PPP4R3B: variants seen among roughly 807,000 people sequenced by gnomAD.
PPP4R3B encodes the protein protein phosphatase 4 regulatory subunit 3B.
In PPP4R3B, 52 loss-of-function variants were observed where a neutral mutation model predicts 95.4. The ratio of observed to expected loss-of-function variants is 0.54; its 90% CI spans 0.44 to 0.69. The LOEUF (loss-of-function observed/expected upper bound fraction) is 0.69. Ranked by LOEUF, PPP4R3B falls within the 30% of genes least tolerant of loss-of-function variation. PPP4R3B has a pLI of 0.00. For synonymous variants in PPP4R3B, 407 were observed against 343.9 expected, an observed-to-expected ratio of 1.18 and a Z score of -2.03; for missense variants, 1,003 against 1,005.9, an observed-to-expected ratio of 1.00 and a Z score of 0.04.
intron 16 of PPP4R3B, among the ~76,000 whole-genome samples, chr2:55,552,774 G>C (rs922465492): frequency 3.3e-5 from 5 of 152,198 alleles, no homozygotes; most frequent in Non-Finnish European, 7.4e-5. Flanking sequence ...TACCAGCAAA[G>C]AAAACAGGAG....
At chr2:55,550,155 AAAT>A (rs753967761) in intron 16 of PPP4R3B, 149 bp from the exon 17 acceptor site, 1 of 627,420 alleles carries the variant, frequency 1.6e-6, no homozygotes, top group Non-Finnish European at 2.7e-6. Flanking sequence ...GAACTGCTTG[AAAT>A]TATGAACGTT....
At chr2:55,585,802 G>A (rs937490218) in intron 6 of PPP4R3B, among the ~76,000 whole-genome samples, 1 of 152,138 alleles carries the variant, frequency 6.6e-6, no homozygotes, top group African/African-American at 2.4e-5. Flanking sequence ...TGTGGTCCAG[G>A]TAATCCTGGT....
At chr2:55,596,388 A>C (rs1436436624) in intron 4 of PPP4R3B, among the ~76,000 whole-genome samples, 1 of 152,220 alleles carries the variant, frequency 6.6e-6, no homozygotes, top group Non-Finnish European at 1.5e-5. Flanking sequence ...TCGGGCAACA[A>C]CTGTTCGAGA....
At chr2:55,591,142 T>A (rs1474210346) in intron 4 of PPP4R3B, among the ~76,000 whole-genome samples, 1 of 151,688 alleles carries the variant, frequency 6.6e-6, no homozygotes, top group Non-Finnish European at 1.5e-5. Context: ...AGTTAGTTTT[T>A]CCTTTTTTTT....
chr2:55,612,480 G>A (rs1191204211), intron 2 of PPP4R3B, among the ~76,000 whole-genome samples: 1 of 152,100 alleles, frequency 6.6e-6, no homozygotes, highest in Non-Finnish European at 1.5e-5. Context: ...CACCATGGAG[G>A]TGCTGAAGCA....
At chr2:55,566,001 A>G (rs1387292337) in intron 13 of PPP4R3B, among the ~76,000 whole-genome samples, 4 of 152,250 alleles carry the variant, frequency 2.6e-5, no homozygotes, top group Admixed American at 6.5e-5. Flanking sequence ...ATATCTGTGA[A>G]ATAAACTAAT....
intron 1 of PPP4R3B, 68 bp downstream of exon 1, chr2:55,617,076 G>C: frequency 6.7e-7 from 1 of 1,502,508 alleles, no homozygotes; most frequent in South Asian, 1.3e-5. Context: ...ACGGGCCCAG[G>C]GCCCTAAACC....
intron 3 of PPP4R3B, among the ~76,000 whole-genome samples, chr2:55,602,350 G>C (rs1441515107): frequency 6.6e-6 from 1 of 152,142 alleles, no homozygotes; most frequent in African/African-American, 2.4e-5. Flanking sequence ...GTGCAGTAAA[G>C]GACTGACCTT....
Position 55,571,315 on chromosome 2 carries a change from A to C in PPP4R3B, c.1765+2304T>G, listed in dbSNP as rs540519837. Reference sequence around the variant, plus strand: ...ACAGAGCAAGACTCTGTCTCAAAAAAAAAAATGGAAATGCATTCAATTGAC... The same window carrying C: ...ACAGAGCAAGACTCTGTCTCAAAAACAAAAATGGAAATGCATTCAATTGAC... On this transcript the variant is annotated intron_variant, in intron 12 of 16. Coordinates refer to ENST00000616407, the MANE Select transcript of PPP4R3B (RefSeq NM_001122964.3). Among the ~76,000 whole-genome samples, 35 of 152,290 alleles carry C rather than the reference A, an allele frequency of 2.3e-4. 1 individual carries two copies. The highest frequency in any genetic ancestry group is 6.5e-4 in the African/African-American group (27 of 41,572).
chr2:55,608,026 TAC>T (rs1223481799), intron 2 of PPP4R3B, among the ~76,000 whole-genome samples: 1 of 152,164 alleles, frequency 6.6e-6, no homozygotes, highest in East Asian at 1.9e-4. Flanking sequence ...TTTTTTTTGA[TAC>T]AGAGTCTCAC....
chr2:55,561,221 G>A (rs929147066), intron 15 of PPP4R3B, among the ~76,000 whole-genome samples: 1 of 152,198 alleles, frequency 6.6e-6, no homozygotes, highest in South Asian at 2.1e-4. Flanking sequence ...GTGACACGGG[G>A]CCTGTGGGGT....
At chr2:55,571,712 G>A (rs150592383) in intron 12 of PPP4R3B, among the ~76,000 whole-genome samples, 13,448 of 152,190 alleles carry the variant, frequency 0.088, 715 homozygotes, top group South Asian at 0.14. Flanking sequence ...TGCAACCCCC[G>A]TCTCCCGGGT....
At position 55,599,739 on chromosome 2, in the gene PPP4R3B, A is replaced by C. The variant is rs1255089116; in HGVS notation, c.298-700T>G. ...TTCTCTAGTCTATAATCCTATCGTC[A>C]TCCCTTACAGCTGCTGCTTTAAATA... On this transcript the variant is annotated intron_variant, in intron 3 of 16. Coordinates refer to ENST00000616407, the MANE Select transcript of PPP4R3B (RefSeq NM_001122964.3). Among the ~76,000 whole-genome samples the C allele has an allele frequency of 3.3e-5, 5 of 152,300 alleles. No homozygotes were observed. In the East Asian group the frequency reaches 9.7e-4, roughly 29 times the overall value.
At chr2:55,612,453 C>G (rs1013785919) in intron 2 of PPP4R3B, among the ~76,000 whole-genome samples, 2 of 152,186 alleles carry the variant, frequency 1.3e-5, no homozygotes, top group Non-Finnish European at 2.9e-5. Context: ...AGCCACTGCT[C>G]ACACCTGTAA....
At chr2:55,593,412 C>T (rs780458171) in intron 4 of PPP4R3B, among the ~76,000 whole-genome samples, 1 of 152,172 alleles carries the variant, frequency 6.6e-6, no homozygotes, top group African/African-American at 2.4e-5. Flanking sequence ...CTTCGTACTA[C>T]CTCACTTCGG....
At chr2:55,590,463 T>A (rs1690855385) in intron 4 of PPP4R3B, among the ~76,000 whole-genome samples, 1 of 152,186 alleles carries the variant, frequency 6.6e-6, no homozygotes, top group South Asian at 2.1e-4. Context: ...TATTTTCTAA[T>A]TGGTGATAGG....
intron 6 of PPP4R3B, among the ~76,000 whole-genome samples, chr2:55,586,348 A>G (rs973946559): frequency 6.6e-6 from 1 of 152,216 alleles, no homozygotes; most frequent in Admixed American, 6.5e-5. Context: ...ACTGGCTTCT[A>G]TGAAACACAC....
chr2:55,615,233 A>C (rs1251345142), intron 2 of PPP4R3B: 1 of 498,164 alleles, frequency 2.0e-6, no homozygotes, highest in East Asian at 3.8e-5. Flanking sequence ...AATACATCTT[A>C]GAATAAACCG....
chr2:55,559,490 T>C (rs1686309050), intron 15 of PPP4R3B, among the ~76,000 whole-genome samples: 2 of 151,810 alleles, frequency 1.3e-5, no homozygotes, highest in Admixed American at 1.3e-4. Context: ...CAAATTGTAA[T>C]CCCCACATGT....
Sources: gnomAD v4.1 joint callset for allele counts (sites outside exome capture counted in the v4.1 genomes callset) on GRCh38, gnomAD v4.1.1 for gene constraint, MANE v1.5 for transcripts, NCBI Gene and HGNC (gene_info 2026-07-23, HGNC 2026-07-21) for gene names.